UGT1A10: variants seen among roughly 807,000 people sequenced by gnomAD.
UGT1A10 encodes UDP-glucuronosyltransferase 1A10.
A neutral mutation model predicts 45.8 loss-of-function variants in UGT1A10; 49 were observed. That is an observed-to-expected ratio of 1.07 (90% CI 0.85 to 1.36). UGT1A10 has a LOEUF of 1.36. UGT1A10 is among the 40% of genes most tolerant of loss of function. The pLI is 0.00. For missense variants in UGT1A10, 745 were observed against 668.6 expected (o/e 1.11, Z -1.26); for synonymous variants, 284 against 249.7 (o/e 1.14, Z -1.29).
chr2:233,730,285 A>G (rs2078010398), intron 1 of UGT1A10, among the ~76,000 whole-genome samples: 1 of 152,170 alleles, frequency 6.6e-6, no homozygotes, highest in Admixed American at 6.5e-5. Context: ...CACCATCTTC[A>G]TGGTTGTGCA....
chr2:233,748,148 C>A, intron 1 of UGT1A10: 1 of 1,604,918 alleles, frequency 6.2e-7, no homozygotes, highest in Non-Finnish European at 8.5e-7. Context: ...TATTTACTTA[C>A]AATTGCTTCC....
At chr2:233,726,812 C>T (rs1441076374) in intron 1 of UGT1A10, among the ~76,000 whole-genome samples, 1 of 152,118 alleles carries the variant, frequency 6.6e-6, no homozygotes, top group Non-Finnish European at 1.5e-5. Flanking sequence ...GGAGGTTTTC[C>T]TCTATTCGAC....
intron 1 of UGT1A10, among the ~76,000 whole-genome samples, chr2:233,751,045 G>GA (rs1443230816): frequency 1.3e-5 from 2 of 152,004 alleles, no homozygotes; most frequent in East Asian, 3.9e-4. Flanking sequence ...TGTGTGCCTG[G>GA]AAAAGACACA....
intron 1 of UGT1A10, among the ~76,000 whole-genome samples, chr2:233,670,466 G>A (rs558790772): frequency 1.5e-4 from 23 of 152,336 alleles, no homozygotes; most frequent in Non-Finnish European, 2.6e-4. Context: ...ATTCATGGAA[G>A]GGTTTGTGTT....
chr2:233,659,673 T>C (rs1181512749), intron 1 of UGT1A10, among the ~76,000 whole-genome samples: 3 of 152,188 alleles, frequency 2.0e-5, no homozygotes, highest in Non-Finnish European at 4.4e-5. Flanking sequence ...TTTAACTTAA[T>C]GGAAATACAT....
At chr2:233,767,302 A>G (rs951994488) in intron 2 of UGT1A10, 137 bp downstream of exon 2, 1 of 1,534,820 alleles carries the variant, frequency 6.5e-7, no homozygotes, top group African/African-American at 1.4e-5. Context: ...TATTAATCCA[A>G]AGGTTTTTTT....
chr2:233,675,984 A>G (rs1252674012), intron 1 of UGT1A10, among the ~76,000 whole-genome samples: 1 of 152,208 alleles, frequency 6.6e-6, no homozygotes, highest in African/African-American at 2.4e-5. Flanking sequence ...CTTTCCATAC[A>G]GATCAATGGA....
intron 1 of UGT1A10, chr2:233,713,940 A>G (rs2076357605): frequency 6.2e-7 from 1 of 1,610,192 alleles, no homozygotes; most frequent in African/African-American, 1.3e-5. Context: ...GTGCTTCCAT[A>G]TCTACTTATC....
chr2:233,682,321 T>C (rs1271026452), intron 1 of UGT1A10: 1 of 1,614,074 alleles, frequency 6.2e-7, no homozygotes, highest in Non-Finnish European at 8.5e-7. Flanking sequence ...GGAGTTTGTT[T>C]AATGACCGAA....
intron 1 of UGT1A10, among the ~76,000 whole-genome samples, chr2:233,657,916 C>CT (rs904132581): frequency 6.6e-6 from 1 of 151,202 alleles, no homozygotes; most frequent in African/African-American, 2.4e-5. Context: ...AGTTTCTGGG[C>CT]TTTTTTCCAT....
In UGT1A10 at chr2:233,767,864, A is replaced by T; in HGVS notation, c.1003A>T (p.Thr335Ser). The change falls in exon 3 of 5, where the codon ACT (threonine) becomes TCT (serine). Residue 335 changes from threonine to serine, a missense_variant. Thr to Ser is a moderately conservative substitution (Grantham distance 58). Coordinates refer to ENST00000344644, the MANE Select transcript of UGT1A10 (RefSeq NM_019075.4). The part of the protein sequence containing the change: ...KIPQTVLWRY[T>S]GTRPSNLANN... Reference sequence around the variant, plus strand: ...CCCCTCCCAGGTCCTGTGGCGGTACACTGGAACCCGACCATCGAATCTTGC... The same window carrying T: ...CCCCTCCCAGGTCCTGTGGCGGTACTCTGGAACCCGACCATCGAATCTTGC... 1 of 1,614,144 alleles carries T rather than the reference A, an allele frequency of 6.2e-7. No individual in the cohort carries two copies. Among genetic ancestry groups the T allele is most frequent in the Non-Finnish European group, 8.5e-7 (1 of 1,180,042 alleles).
chr2:233,675,246 C>T (rs1022851436), intron 1 of UGT1A10, among the ~76,000 whole-genome samples: 2 of 152,150 alleles, frequency 1.3e-5, no homozygotes, highest in African/African-American at 2.4e-5. Flanking sequence ...TTGGAGGGGA[C>T]AAACTTCTAA....
At chr2:233,738,412 C>G (rs988923331) in intron 1 of UGT1A10, among the ~76,000 whole-genome samples, 2 of 152,164 alleles carry the variant, frequency 1.3e-5, no homozygotes, top group African/African-American at 2.4e-5. Flanking sequence ...GGGTAACAGG[C>G]AGAGGCTGGA....
At chr2:233,732,525 T>G (rs775649964) in intron 1 of UGT1A10, among the ~76,000 whole-genome samples, 3 of 152,226 alleles carry the variant, frequency 2.0e-5, no homozygotes, top group Non-Finnish European at 4.4e-5. Context: ...GCTTTCTACA[T>G]ATGGCCAGTT....
In UGT1A10 at chr2:233,741,861, A is replaced by T. The variant is rs1406457842; in HGVS notation, c.856-25173A>T. On this transcript the variant is annotated intron_variant, in intron 1 of 4. Transcript: ENST00000344644. ...GCCTTTTGCTCTCATGCCTTATGCA[A>T]ACCTTTCCTCAGAGGTGACCCTAGA... The T allele has an allele frequency of 2.6e-5, 4 of 151,886 alleles. No individual in the cohort carries two copies. The East Asian group carries it at 7.7e-4, about 29-fold the overall frequency. The allele number at this position is 151,886 out of a possible 1,614,324, so 9.4% of individuals were successfully genotyped here.
intron 1 of UGT1A10, among the ~76,000 whole-genome samples, chr2:233,751,808 C>G (rs1373463775): frequency 6.6e-6 from 1 of 152,150 alleles, no homozygotes; most frequent in Non-Finnish European, 1.5e-5. Flanking sequence ...TTGTAAGTTT[C>G]CTGAGGCCTC....
intron 1 of UGT1A10, among the ~76,000 whole-genome samples, chr2:233,664,040 T>C (rs1218196901): frequency 6.6e-6 from 1 of 152,134 alleles, no homozygotes; most frequent in African/African-American, 2.4e-5. Context: ...ATACCCTAGG[T>C]CATCACTCTC....
chr2:233,678,981 G>C (rs369461061), intron 1 of UGT1A10, among the ~76,000 whole-genome samples: 1 of 152,188 alleles, frequency 6.6e-6, no homozygotes, highest in Non-Finnish European at 1.5e-5. Flanking sequence ...GGCTTTCAAA[G>C]CTCTTTCTAT....
At chr2:233,699,295 T>C (rs1289156028) in intron 1 of UGT1A10, among the ~76,000 whole-genome samples, 1 of 152,164 alleles carries the variant, frequency 6.6e-6, no homozygotes, top group Non-Finnish European at 1.5e-5. Context: ...GCTGGGACAC[T>C]CTTATGCTGT....
Sources: allele counts gnomAD v4.1 joint callset (sites outside exome capture counted in the v4.1 genomes callset), GRCh38; gene constraint gnomAD v4.1.1; transcripts MANE v1.5; gene names NCBI Gene and HGNC (gene_info 2026-07-23, HGNC 2026-07-21).